RASSF1: variants seen among roughly 807,000 people sequenced by gnomAD.
RASSF1 encodes ras association domain-containing protein 1.
Under a neutral mutation model 34.3 loss-of-function variants are expected in RASSF1, and 33 were observed. That is an observed-to-expected ratio of 0.96 (90% confidence interval 0.73 to 1.29). RASSF1 has a LOEUF of 1.29. Among genes scored for constraint, RASSF1 ranks in the 50% most tolerant of loss-of-function variants. The pLI is 0.00. For synonymous variants in RASSF1, 191 were observed against 195.0 expected (o/e 0.98, Z 0.17); for missense variants, 445 against 471.8 (o/e 0.94, Z 0.53).
At position 50,331,570 on chromosome 3, in the gene RASSF1, C is replaced by T. The variant is rs746197371; in HGVS notation, c.749G>A (p.Arg250His). ...RKFALFERAE[R>H]HGQVYLRKLL... is the part of the protein sequence containing the mutation. Reference sequence around the variant, plus strand: ...GGTGGGAAGCCCACCTTGGCCGTGACGCTCAGCGCGCTCAAAGAGTGCAAA... The same window carrying T: ...GGTGGGAAGCCCACCTTGGCCGTGATGCTCAGCGCGCTCAAAGAGTGCAAA... Residue 250 changes from arginine (R) to histidine (H), a missense_variant, in exon 4 of 6, where the codon CGT becomes CAT. Arg to His is a conservative substitution (Grantham distance 29). Coordinates refer to ENST00000359365, the MANE Select transcript of RASSF1 (RefSeq NM_007182.5). 59 of 1,589,754 alleles carry T rather than the reference C, an allele frequency of 3.7e-5. No homozygotes were observed. In the East Asian group the frequency reaches 7.0e-4, roughly 19 times the overall value.
intron 1 of RASSF1, among the ~76,000 whole-genome samples, chr3:50,340,246 T>G (rs1480844812): frequency 6.6e-6 from 1 of 152,164 alleles, no homozygotes; most frequent in African/African-American, 2.4e-5. Flanking sequence ...CCTGGGAAGA[T>G]GGACTCCGAG....
rs1702884654 is a variant in RASSF1 at position 50,330,201 on chromosome 3, T to C, written c.*380A>G. On this transcript the variant is annotated 3_prime_UTR_variant, in exon 6 of 6. Transcript: ENST00000359365. This position sits in a 1 kb window ranked among gnomAD's most constrained non-coding sequence, Gnocchi z 4.5. The stretch of plus-strand genomic sequence containing the variant: ...GAGACCACATTCAAGATCCAAAACC[T>C]TTCCTCATAGATGAGGGCCGTCACC... 1 of 184,572 alleles carries C rather than the reference T, an allele frequency of 5.4e-6. No individual in the cohort carries two copies. The highest frequency in any genetic ancestry group is 1.1e-5 in the Non-Finnish European group (1 of 87,622). 11.4% of individuals were successfully genotyped at this position (184,572 alleles called of 1,614,324 possible).
In RASSF1 at chr3:50,330,489, C is replaced by G. The variant is rs587610402; in HGVS notation, c.*92G>C. On this transcript the variant is annotated 3_prime_UTR_variant, in exon 6 of 6. Coordinates refer to ENST00000359365, the MANE Select transcript of RASSF1 (RefSeq NM_007182.5). This position sits in a 1 kb window ranked among gnomAD's most constrained non-coding sequence, Gnocchi z 4.5. ...CAGCACAGGAGGGCCTCCATGCACACTCATTCCACAGGCCCCACTGGCCCT... is the reference window on the plus strand; with the variant it reads ...CAGCACAGGAGGGCCTCCATGCACAGTCATTCCACAGGCCCCACTGGCCCT... The G allele has an allele frequency of 6.2e-5, 95 of 1,522,014 alleles. No homozygotes were observed. The African/African-American group carries it at 1.2e-3, about 19-fold the overall frequency. 94.3% of individuals were successfully genotyped at this position (1,522,014 alleles called of 1,614,324 possible). A position where few individuals can be genotyped will look rare whatever the true frequency, so the allele number is the denominator to read the frequency against.
Position 50,337,973 on chromosome 3 carries a change from C to T in RASSF1, c.289G>A (p.Val97Ile). The change falls in exon 2 of 6, where the codon GTC becomes ATC. Residue 97 changes from valine (V) to isoleucine (I), a missense_variant. By Grantham distance (29) the Val-to-Ile change is conservative (BLOSUM62 3). Transcript: ENST00000359365. ...FTCHYRCRAL[V>I]CLDCCGPRDL... ...CGGGGCCCGCAACAGTCCAGGCAGA[C>T]GAGCGCGCGGCAGCGGTAGTGGCAG... 2 of 1,608,896 alleles carry T rather than the reference C, an allele frequency of 1.2e-6. No homozygotes were observed. The highest frequency in any genetic ancestry group is 1.7e-6 in the Non-Finnish European group (2 of 1,177,818).
At chr3:50,334,876 A>G (rs1177238621) in intron 2 of RASSF1, among the ~76,000 whole-genome samples, 3 of 152,154 alleles carry the variant, frequency 2.0e-5, no homozygotes, top group Non-Finnish European at 2.9e-5. Context: ...TCCCAGTCGG[A>G]TGCACAGCAG....
intron 1 of RASSF1, 95 bp from the exon 2 acceptor site, chr3:50,338,106 C>T (rs1369499199): frequency 9.9e-6 from 15 of 1,509,394 alleles, no homozygotes; most frequent in Non-Finnish European, 1.3e-5. Context: ...CCGCTGCTCG[C>T]CAGGCTCCGC....
intron 2 of RASSF1, chr3:50,337,022 C>T (rs587622032): frequency 8.9e-7 from 1 of 1,118,688 alleles, no homozygotes; most frequent in African/African-American, 1.6e-5. Flanking sequence ...ACGCACGGTT[C>T]CGCGGGCAGG....
At chr3:50,334,957 G>GTT (rs67898548) in intron 2 of RASSF1, among the ~76,000 whole-genome samples, 5 of 149,432 alleles carry the variant, frequency 3.3e-5, no homozygotes, top group East Asian at 1.9e-4. Context: ...AAAACTGATG[G>GTT]TTTTTTTTTT....
Position 50,330,533 on chromosome 3 carries a change from G to T in RASSF1, c.*48C>A, listed in dbSNP as rs587599403. On this transcript the variant is annotated 3_prime_UTR_variant, in exon 6 of 6. Coordinates refer to ENST00000359365, the MANE Select transcript of RASSF1 (RefSeq NM_007182.5). The surrounding 1 kb of genome is among the most constrained non-coding windows in gnomAD (Gnocchi z 4.5). ...TGGCCCTGTCACACTCACACGGCAC[G>T]CACTTGGCGCTGCCTGCTGTCTGCC... 2 of 1,607,626 alleles carry T rather than the reference G, an allele frequency of 1.2e-6. No individual in the cohort carries two copies. The highest frequency in any genetic ancestry group is 1.7e-6 in the Non-Finnish European group (2 of 1,176,104).
chr3:50,330,738 CA>C lies in RASSF1; in HGVS notation c.877-12del, dbSNP rs2109335413. 6.2e-7 allele frequency: 1 copy of C among 1,613,408 alleles called. No individual in the cohort carries two copies. Among genetic ancestry groups the C allele is most frequent in the Non-Finnish European group, 8.5e-7 (1 of 1,179,696 alleles). On this transcript the variant is annotated splice_polypyrimidine_tract_variant and intron_variant, in intron 5 of 5. Coordinates refer to ENST00000359365, the MANE Select transcript of RASSF1 (RefSeq NM_007182.5). The surrounding 1 kb of genome is among the most constrained non-coding windows in gnomAD (Gnocchi z 4.5). ...GCTGAAGGCGTCCCACTGCAAGGGG[CA>C]AAAGGGGAGTGTACAGGCTGCAGAA... is the stretch of plus-strand genomic sequence containing the variant.
In RASSF1 at chr3:50,338,023, C is replaced by T. The variant is rs745569978; in HGVS notation, c.251-12G>A. 4 of 1,572,236 alleles carry T rather than the reference C, an allele frequency of 2.5e-6. No homozygotes were observed. The South Asian group carries it at 3.5e-5, about 14-fold the overall frequency. On this transcript the variant is annotated splice_polypyrimidine_tract_variant and intron_variant, in intron 1 of 5. Transcript: ENST00000359365. ...GGTGAACTTGCAATCTGCAGAGAGG[C>T]CTGGCGGTGAGGCGGAGGAGCTCCA...
In RASSF1 at chr3:50,340,560, G is replaced by A. The variant is rs1458885716; in HGVS notation, c.246C>T (p.Cys82=). The A allele has an allele frequency of 2.0e-6, 3 of 1,523,696 alleles. No homozygotes were observed. Among genetic ancestry groups the A allele is most frequent in the East Asian group, 2.7e-5 (1 of 36,858 alleles). The allele number at this position is 1,523,696 out of a possible 1,614,324, so 94.4% of individuals were successfully genotyped here. A position where few individuals can be genotyped will look rare whatever the true frequency, so the allele number is the denominator to read the frequency against. The change falls in exon 1 of 6, where the codon TGC becomes TGT. Residue 82 remains cysteine, a synonymous_variant. Transcript: ENST00000359365. ...GCGCGCGGGGCCACTACTCACGCGC[G>A]CACTGCAGGCCTTTGCGCACGACGC... The part of the protein sequence containing the change: ...IWGVVRKGLQ[C]AHCKFTCHYR...
intron 2 of RASSF1, chr3:50,336,967 A>AG (rs1321356070): frequency 7.1e-6 from 5 of 701,642 alleles, no homozygotes; most frequent in Middle Eastern, 4.1e-4. Context: ...ACAGAAACCA[A>AG]GGGGGCCCCG....
rs79117849 is a variant in RASSF1, at chr3:50,333,410, C to G, written c.358-1256G>C. On this transcript the variant is annotated intron_variant, in intron 2 of 5. Transcript: ENST00000359365. ...AGCTTTAGGCCAGGCTCCAATCTGC[C>G]AGAGGTACACAGGCAGCTTCCTGGT... 0.053 allele frequency among the ~76,000 whole-genome samples: 8,144 copies of G among 152,228 alleles called. 1,550 individuals carry two copies. The East Asian group carries it at 0.6, about 11-fold the overall frequency.
At chr3:50,332,763 G>C (rs1702992407) in intron 2 of RASSF1, among the ~76,000 whole-genome samples, 1 of 152,130 alleles carries the variant, frequency 6.6e-6, no homozygotes, top group Non-Finnish European at 1.5e-5. Context: ...CTGCACTCCA[G>C]CCTGGGGAAC....
chr3:50,336,931 C>CT (rs1373962474), intron 2 of RASSF1: 1 of 574,506 alleles, frequency 1.7e-6, no homozygotes, highest in African/African-American at 2.0e-5. Flanking sequence ...CATACAGCTG[C>CT]TTTTTCCGTG....
At chr3:50,339,946 A>G (rs1436983468) in intron 1 of RASSF1, among the ~76,000 whole-genome samples, 1 of 152,190 alleles carries the variant, frequency 6.6e-6, no homozygotes, top group Non-Finnish European at 1.5e-5. Flanking sequence ...AGGACTGTAA[A>G]AGCACCCCTG....
At chr3:50,338,113 C>T (rs1475862423) in intron 1 of RASSF1, 102 bp from the exon 2 acceptor site, 2 of 1,502,688 alleles carry the variant, frequency 1.3e-6, no homozygotes, top group Non-Finnish European at 1.8e-6. Context: ...TCGCCAGGCT[C>T]CGCAGGCCCG....
At chr3:50,337,757 C>T (rs1290552640) in intron 2 of RASSF1, 148 bp downstream of exon 2, 2 of 938,260 alleles carry the variant, frequency 2.1e-6, no homozygotes, top group African/African-American at 1.7e-5. Context: ...CCCCTCCCAG[C>T]CCCCGCGCAG....
Sources: gnomAD v4.1 joint callset for allele counts (sites outside exome capture counted in the v4.1 genomes callset) on GRCh38, gnomAD v4.1.1 for gene constraint, Gnocchi (gnomAD v3.1) non-coding constraint, MANE v1.5 for transcripts, NCBI Gene and HGNC (gene_info 2026-07-23, HGNC 2026-07-21) for gene names.